CCDC33: variants seen among roughly 807,000 people sequenced by gnomAD.
CCDC33 encodes the protein coiled-coil domain containing 33.
CCDC33 carries 94 observed loss-of-function variants against 91.9 expected under a neutral mutation model. The ratio of observed to expected loss-of-function variants is 1.02; its 90% CI spans 0.87 to 1.21. The LOEUF (loss-of-function observed/expected upper bound fraction) is 1.21, where lower values mean the gene tolerates loss of function less well. CCDC33 is among the 50% of genes most tolerant of loss of function. The probability of loss-of-function intolerance (pLI) is 0.00; values close to 1 mark genes in which losing one functional copy is unlikely to be tolerated. For synonymous variants in CCDC33, 396 were observed against 374.5 expected (o/e 1.06, Z -0.66); for missense variants, 940 against 935.5 (o/e 1.00, Z -0.06).
intron 2 of CCDC33, among the ~76,000 whole-genome samples, chr15:74,257,319 G>A (rs934659522): frequency 4.6e-5 from 7 of 152,248 alleles, no homozygotes; most frequent in African/African-American, 1.4e-4. Flanking sequence ...ATGGGGCTGG[G>A]GGAGGCGGCA....
intron 2 of CCDC33, among the ~76,000 whole-genome samples, chr15:74,211,867 C>T (rs1201259284): frequency 6.6e-6 from 1 of 151,938 alleles, no homozygotes; most frequent in African/African-American, 2.4e-5. Flanking sequence ...TCTGTCTCTC[C>T]TCCTCCTTCT....
At chr15:74,273,511 C>G (rs1187237479) in intron 7 of CCDC33, among the ~76,000 whole-genome samples, 2 of 152,220 alleles carry the variant, frequency 1.3e-5, no homozygotes, top group African/African-American at 4.8e-5. Flanking sequence ...TCTTGTCTCC[C>G]AGGCTGGAGT....
chr15:74,327,075 G>C (rs1048757402), intron 11 of CCDC33, among the ~76,000 whole-genome samples: 13 of 152,154 alleles, frequency 8.5e-5, no homozygotes, highest in Non-Finnish European at 1.6e-4. Flanking sequence ...AGAGGGAAGA[G>C]AGCATACAGA....
At chr15:74,209,330 T>C in intron 1 of CCDC33, 1 of 1,514,398 alleles carries the variant, frequency 6.6e-7, no homozygotes, top group South Asian at 1.2e-5. Context: ...AGATGTGGCC[T>C]TAGAGAAGCT....
At chr15:74,302,124 C>G (rs1375637581) in intron 11 of CCDC33, 2 of 152,250 alleles carry the variant, frequency 1.3e-5, no homozygotes, top group Non-Finnish European at 2.9e-5. Flanking sequence ...ATCCCCGCCC[C>G]CTCTGAGCAT....
chr15:74,271,710 T>G lies in CCDC33; in HGVS notation c.554T>G (p.Leu185Arg), dbSNP rs1566986938. 6.2e-7 allele frequency: 1 copy of G among 1,613,270 alleles called. No individual in the cohort carries two copies. Among genetic ancestry groups the G allele is most frequent in the Non-Finnish European group, 8.5e-7 (1 of 1,179,456 alleles). ...CTCTCCTCTCCTCTCCAGATCTTTC[T>G]CCGGGGAGTCAACGAGCCCCTGGCC... ...GCNHMALEIFLRGVNEPLANN... is the reference protein window; with the variant it reads ...GCNHMALEIFRRGVNEPLANN... The change falls in exon 6 of 19, where the codon CTC (leucine) becomes CGC (arginine). Residue 185 changes from leucine (L) to arginine (R), a missense_variant. Leu to Arg is a moderately radical substitution (Grantham distance 102). Transcript: ENST00000398814.
intron 11 of CCDC33, chr15:74,303,771 C>CGAGCTGG (rs1456477995): frequency 6.6e-6 from 1 of 152,256 alleles, no homozygotes; most frequent in African/African-American, 2.4e-5. Flanking sequence ...CTGCAGGCCC[C>CGAGCTGG]GAGCTGGGAG....
intron 11 of CCDC33, among the ~76,000 whole-genome samples, chr15:74,321,767 C>T (rs1323967429): frequency 1.3e-5 from 2 of 152,214 alleles, no homozygotes. Context: ...ACCTCTCTGA[C>T]ATTCAAAGGA....
At chr15:74,336,390 C>G, downstream of CCDC33, 9 of 1,323,990 alleles carry the variant, frequency 6.8e-6, no homozygotes, top group Non-Finnish European at 8.9e-6. Flanking sequence ...CACCAGAGAC[C>G]AGCTCTGTTG....
At chr15:74,308,354 G>C (rs199976150) in intron 11 of CCDC33, among the ~76,000 whole-genome samples, 29 of 142,034 alleles carry the variant, frequency 2.0e-4, no homozygotes, top group African/African-American at 3.2e-4. Flanking sequence ...TGTGCAGACA[G>C]ACAGACACAC....
intron 2 of CCDC33, among the ~76,000 whole-genome samples, chr15:74,254,905 AC>A (rs1204467353): frequency 1.3e-5 from 2 of 151,866 alleles, no homozygotes; most frequent in Non-Finnish European, 2.9e-5. Flanking sequence ...GTGCCAACAC[AC>A]CCGGCTAATT....
chr15:74,295,105 A>C (rs2059659578), intron 10 of CCDC33, among the ~76,000 whole-genome samples: 1 of 152,240 alleles, frequency 6.6e-6, no homozygotes, highest in Non-Finnish European at 1.5e-5. Context: ...GGGTGTCAAA[A>C]GAGTGTAGGA....
At chr15:74,272,918 C>A in intron 7 of CCDC33, 27 bp downstream of exon 7, 1 of 1,613,400 alleles carries the variant, frequency 6.2e-7, no homozygotes, top group Non-Finnish European at 8.5e-7. Flanking sequence ...GTGGTTCCAG[C>A]TTCCTGTAAC....
intron 1 of CCDC33, among the ~76,000 whole-genome samples, chr15:74,204,779 C>CA (rs1427024406): frequency 6.6e-6 from 1 of 152,008 alleles, no homozygotes; most frequent in African/African-American, 2.4e-5. Flanking sequence ...ACTAAAAATA[C>CA]AAAAAATTAG....
At chr15:74,230,408 C>G (rs1321173833) in intron 2 of CCDC33, among the ~76,000 whole-genome samples, 1 of 152,140 alleles carries the variant, frequency 6.6e-6, no homozygotes, top group Non-Finnish European at 1.5e-5. Context: ...ATTGCTCACT[C>G]CTTTATTCAG....
At chr15:74,246,591 G>A (rs1236128968) in intron 2 of CCDC33, among the ~76,000 whole-genome samples, 1 of 152,152 alleles carries the variant, frequency 6.6e-6, no homozygotes, top group Non-Finnish European at 1.5e-5. Flanking sequence ...TAATCATCAG[G>A]GAAGTGCAAA....
At chr15:74,246,848 A>G (rs58404210) in intron 2 of CCDC33, among the ~76,000 whole-genome samples, 17,770 of 152,232 alleles carry the variant, frequency 0.12, 1,369 homozygotes, top group African/African-American at 0.22. Flanking sequence ...CAAAATCAGT[A>G]TTTTGAAAAG....
At chr15:74,211,593 G>A (rs2074369621) in intron 2 of CCDC33, among the ~76,000 whole-genome samples, 1 of 151,950 alleles carries the variant, frequency 6.6e-6, no homozygotes, top group Non-Finnish European at 1.5e-5. Context: ...TAGTAGAGAT[G>A]AGGTTTCTCC....
At chr15:74,224,793 C>A (rs1266043038) in intron 2 of CCDC33, among the ~76,000 whole-genome samples, 1 of 152,152 alleles carries the variant, frequency 6.6e-6, no homozygotes, top group Non-Finnish European at 1.5e-5. Context: ...TCCTGCTGTT[C>A]TAGTAATGAT....
Sources: gnomAD v4.1 joint callset for allele counts (sites outside exome capture counted in the v4.1 genomes callset) on GRCh38, gnomAD v4.1.1 for gene constraint, MANE v1.5 for transcripts, NCBI Gene and HGNC (gene_info 2026-07-23, HGNC 2026-07-21) for gene names.